The following RBM26 variants were observed in gnomAD, a reference collection of about 807,000 sequenced individuals.
RBM26 encodes RNA binding motif protein 26, also known as RNA-binding protein 26.
Under a neutral mutation model 123.6 loss-of-function variants are expected in RBM26, and 30 were observed. That is an observed-to-expected ratio of 0.24 (90% CI 0.18 to 0.33). The LOEUF is 0.33. RBM26 is among the 10% of genes least tolerant of loss of function. The pLI is 1.00. For missense variants in RBM26, 947 were observed against 1,203.6 expected, an observed-to-expected ratio of 0.79 and a Z score of 3.15; for synonymous variants, 400 against 404.4, an observed-to-expected ratio of 0.99 and a Z score of 0.13.
intron 13 of RBM26, 54 bp downstream of exon 13, chr13:79,354,385 A>C (rs1290022513): frequency 7.3e-7 from 1 of 1,369,074 alleles, no homozygotes; most frequent in Non-Finnish European, 9.6e-7. Context: ...TCACCAAGGG[A>C]AACTAAATTA....
chr13:79,379,266 A>T (rs2076886704), intron 1 of RBM26, among the ~76,000 whole-genome samples: 1 of 151,538 alleles, frequency 6.6e-6, no homozygotes. Context: ...AGGCACAGTG[A>T]ATCAGTCCTG....
rs376117873 is a variant in RBM26, at chr13:79,366,730, G to A, written c.1038C>T (p.Leu346=). The A allele has an allele frequency of 1.2e-6, 2 of 1,606,738 alleles. No individual in the cohort carries two copies. The highest frequency in any genetic ancestry group is 8.5e-7 in the Non-Finnish European group (1 of 1,174,726). Residue 346 remains leucine, a synonymous_variant, in exon 7 of 22, where the codon CTC becomes CTT. Transcript: ENST00000438737. ...GTGTAAGAATTGGTGGAGGTGGGGG[G>A]AGTCCAGGAGGAGGTGGTCCTTCAA... ...PVVEGPPPPG[L]PPPPPILTPP... is the part of the protein sequence containing the mutation.
rs1317469874 is a variant in RBM26 at position 79,372,861 on chromosome 13, A to AT, written c.328-932_328-931insA. On this transcript the variant is annotated intron_variant, in intron 3 of 21. Transcript: ENST00000438737. ...AATATATTATATATTATATAAATAT[A>AT]AATATATTTATAATATTTTATATGC... is the stretch of plus-strand genomic sequence containing the variant. 5.3e-4 allele frequency among the ~76,000 whole-genome samples: 35 copies of AT among 66,486 alleles called. 5 individuals are homozygous for AT. The highest frequency in any genetic ancestry group is 3.4e-3 in the African/African-American group (28 of 8,292). The allele number at this position is 66,486 out of a possible 152,430, so 43.6% of individuals were successfully genotyped here.
intron 19 of RBM26, among the ~76,000 whole-genome samples, chr13:79,335,924 C>G (rs1476117635): frequency 3.9e-5 from 6 of 152,156 alleles, no homozygotes; most frequent in South Asian, 4.2e-4. Flanking sequence ...GATTTATTTC[C>G]AAGCTCCTTT....
At chr13:79,384,372 C>T (rs867722962) in intron 1 of RBM26, among the ~76,000 whole-genome samples, 2 of 151,964 alleles carry the variant, frequency 1.3e-5, no homozygotes, top group East Asian at 1.9e-4. Flanking sequence ...ATCCTCCCAC[C>T]GCTGCCTCCC....
intron 6 of RBM26, 116 bp downstream of exon 6, chr13:79,368,614 G>T: frequency 2.1e-6 from 2 of 950,490 alleles, no homozygotes; most frequent in East Asian, 2.5e-5. Flanking sequence ...AGTGACTAAG[G>T]CTAATTTCCC....
chr13:79,386,742 C>T (rs1401394055), intron 1 of RBM26, among the ~76,000 whole-genome samples: 4 of 151,752 alleles, frequency 2.6e-5, no homozygotes, highest in Non-Finnish European at 5.9e-5. Flanking sequence ...CACCCCCACT[C>T]CATTACTCAC....
At chr13:79,389,996 A>G (rs2077808229) in intron 1 of RBM26, among the ~76,000 whole-genome samples, 1 of 152,156 alleles carries the variant, frequency 6.6e-6, no homozygotes, top group African/African-American at 2.4e-5. Context: ...CATATAAATG[A>G]TTCTATCTAT....
At chr13:79,394,118 T>C (rs1203798269) in intron 1 of RBM26, among the ~76,000 whole-genome samples, 1 of 152,208 alleles carries the variant, frequency 6.6e-6, no homozygotes, top group Non-Finnish European at 1.5e-5. Flanking sequence ...GTTCTTACCC[T>C]ACCAGCTCAA....
At chr13:79,399,921 C>T (rs1051000129) in intron 1 of RBM26, among the ~76,000 whole-genome samples, 2 of 151,876 alleles carry the variant, frequency 1.3e-5, no homozygotes, top group Non-Finnish European at 2.9e-5. Flanking sequence ...TTTAGATGAG[C>T]GATCCAAGCA....
chr13:79,341,258 C>A, intron 17 of RBM26, 31 bp from the exon 18 acceptor site: 1 of 1,344,452 alleles, frequency 7.4e-7, no homozygotes, highest in Non-Finnish European at 1.1e-6. Flanking sequence ...TTTTAGGTGA[C>A]AGTAATTACT....
chr13:79,370,644 A>T (rs1176985748), intron 5 of RBM26, among the ~76,000 whole-genome samples: 1 of 152,214 alleles, frequency 6.6e-6, no homozygotes, highest in East Asian at 1.9e-4. Flanking sequence ...TGTAGTTTTA[A>T]TATTTTTACA....
chr13:79,341,376 C>T, intron 17 of RBM26, 149 bp from the exon 18 acceptor site: 1 of 480,876 alleles, frequency 2.1e-6, no homozygotes, highest in South Asian at 3.7e-5. Context: ...AAATACTCCA[C>T]ACCTCCACAA....
At chr13:79,357,990 C>T (rs894447937) in intron 11 of RBM26, among the ~76,000 whole-genome samples, 6 of 151,148 alleles carry the variant, frequency 4.0e-5, no homozygotes, top group Non-Finnish European at 8.8e-5. Flanking sequence ...TCAAGCAATT[C>T]TCCTGCCTCA....
intron 15 of RBM26, 80 bp downstream of exon 15, chr13:79,344,589 A>G: frequency 1.6e-6 from 2 of 1,269,232 alleles, no homozygotes; most frequent in Non-Finnish European, 2.2e-6. Context: ...CTTATTTTGC[A>G]ATAAGCACTG....
At chr13:79,400,833 G>C (rs945917099) in intron 1 of RBM26, among the ~76,000 whole-genome samples, 4 of 152,126 alleles carry the variant, frequency 2.6e-5, no homozygotes, top group Non-Finnish European at 5.9e-5. Flanking sequence ...AGTAATTTTG[G>C]TTGTAATTAT....
chr13:79,397,396 T>C (rs1043701004), intron 1 of RBM26, among the ~76,000 whole-genome samples: 8 of 151,962 alleles, frequency 5.3e-5, no homozygotes, highest in African/African-American at 1.9e-4. Flanking sequence ...CATTGTACTA[T>C]TGCTTCTAGC....
intron 1 of RBM26, among the ~76,000 whole-genome samples, chr13:79,379,651 G>T (rs546043339): frequency 1.3e-5 from 2 of 149,724 alleles, no homozygotes; most frequent in East Asian, 3.9e-4. Context: ...GAGTAAGGAA[G>T]ACACAAAATC....
chr13:79,394,414 T>A (rs1351444801), intron 1 of RBM26, among the ~76,000 whole-genome samples: 1 of 152,180 alleles, frequency 6.6e-6, no homozygotes, highest in African/African-American at 2.4e-5. Context: ...TAGAGGTTAC[T>A]ACTTTCTGTC....
Sources: gnomAD v4.1 joint callset for allele counts (sites outside exome capture counted in the v4.1 genomes callset) on GRCh38, gnomAD v4.1.1 for gene constraint, MANE v1.5 for transcripts, NCBI Gene and HGNC (gene_info 2026-07-23, HGNC 2026-07-21) for gene names.